Variants in TNRC6A observed in about 807,000 individuals in gnomAD.
TNRC6A encodes the protein trinucleotide repeat-containing gene 6A protein.
TNRC6A carries 44 observed loss-of-function variants against 221.2 expected under a neutral mutation model. The ratio of observed to expected loss-of-function variants is 0.20; its 90% confidence interval spans 0.16 to 0.26. The LOEUF (loss-of-function observed/expected upper bound fraction) is 0.26. Ranked by LOEUF, TNRC6A falls within the 10% of genes least tolerant of loss-of-function variation. The pLI, the probability that TNRC6A is intolerant of heterozygous loss-of-function variation, is 1.00. For synonymous variants in TNRC6A, 847 were observed against 838.5 expected (o/e 1.01, Z -0.18); for missense variants, 2,199 against 2,404.4 (o/e 0.91, Z 1.79).
intron 16 of TNRC6A, 52 bp downstream of exon 16, chr16:24,806,335 C>T: frequency 6.3e-7 from 1 of 1,591,124 alleles, no homozygotes; most frequent in Non-Finnish European, 8.6e-7. Flanking sequence ...ATAAACTCTG[C>T]TTATCTCCAT....
At chr16:24,633,658 GCT>G (rs1901467634) in intron 1 of TNRC6A, among the ~76,000 whole-genome samples, 1 of 152,192 alleles carries the variant, frequency 6.6e-6, no homozygotes, top group African/African-American at 2.4e-5. Context: ...TTCCCAAAGT[GCT>G]GGGATTACAG....
At chr16:24,634,028 C>T (rs897311034) in intron 1 of TNRC6A, among the ~76,000 whole-genome samples, 1 of 152,036 alleles carries the variant, frequency 6.6e-6, no homozygotes. Flanking sequence ...GTGATCCTCC[C>T]GCTTCAGCCC....
At chr16:24,624,090 T>A (rs566283003) in intron 1 of TNRC6A, among the ~76,000 whole-genome samples, 1 of 152,248 alleles carries the variant, frequency 6.6e-6, no homozygotes, top group South Asian at 2.1e-4. Flanking sequence ...CTTTCACCTG[T>A]CTGGGCATCA....
At chr16:24,658,285 GCA>G (rs1003622081) in intron 2 of TNRC6A, among the ~76,000 whole-genome samples, 5 of 152,056 alleles carry the variant, frequency 3.3e-5, no homozygotes, top group Admixed American at 2.0e-4. Context: ...AAATTTCATT[GCA>G]CAGTTTTGCA....
Position 24,679,564 on chromosome 16 carries a change from C to T in TNRC6A, n.402+38555C>T, listed in dbSNP as rs546638642. Among the ~76,000 whole-genome samples, 103 of 152,144 alleles carry T rather than the reference C, an allele frequency of 6.8e-4. 1 individual carries two copies. Among genetic ancestry groups the T allele is most frequent in the African/African-American group, 2.5e-3 (102 of 41,526 alleles). On this transcript the variant is annotated intron_variant and non_coding_transcript_variant, in intron 2 of 2. Coordinates refer to the TNRC6A transcript ENST00000566108. ...TGATCTCAGCTCACTGCAACCTCTG[C>T]CTCCTGAGTTCTAGCAATTCTCCAG...
chr16:24,806,425 T>A, intron 16 of TNRC6A, 142 bp downstream of exon 16: 1 of 1,348,522 alleles, frequency 7.4e-7, no homozygotes, highest in Non-Finnish European at 1.0e-6. Flanking sequence ...TTAAGTCTGC[T>A]GGTTGCCCAT....
chr16:24,822,117 T>C lies in TNRC6A; in HGVS notation c.5343T>C (p.Asn1781=). ...AGAGCAGCTCAGGGAGAATAACAAA[T>C]TGGCTTGTTCTAAAAAACCTTACAC... ...WGESSSGRIT[N]WLVLKNLTPQ... Residue 1781 remains asparagine, a synonymous_variant, in exon 23 of 25, where the codon AAT becomes AAC. Transcript: ENST00000395799. The C allele has an allele frequency of 6.2e-7, 1 of 1,614,108 alleles. No individual in the cohort carries two copies. The highest frequency in any genetic ancestry group is 8.5e-7 in the Non-Finnish European group (1 of 1,179,992).
chr16:24,724,764 A>C (rs1243930865), upstream of TNRC6A, among the ~76,000 whole-genome samples: 3 of 152,124 alleles, frequency 2.0e-5, no homozygotes, highest in Non-Finnish European at 2.9e-5. Context: ...AAATAAATAA[A>C]TAAATTCTCT....
intron 2 of TNRC6A, among the ~76,000 whole-genome samples, chr16:24,718,555 A>G (rs1317407734): frequency 2.6e-5 from 4 of 152,206 alleles, no homozygotes; most frequent in Admixed American, 6.6e-5. Context: ...GAAGCACAAT[A>G]TAGGGATTGT....
rs139961149 is a variant in TNRC6A, at chr16:24,752,050, G to A, written c.141+1237G>A. ...ACTCTGAAGAGTTGAACTAGGAAAG[G>A]CTAGGAGGTTTTCTCAAGGCTTTGG... On this transcript the variant is annotated intron_variant, in intron 3 of 24. Coordinates refer to ENST00000395799, the MANE Select transcript of TNRC6A (RefSeq NM_014494.4). 1.5e-3 allele frequency among the ~76,000 whole-genome samples: 235 copies of A among 152,286 alleles called. 2 individuals carry two copies. Among genetic ancestry groups the A allele is most frequent in the African/African-American group, 5.3e-3 (222 of 41,544 alleles).
At chr16:24,665,792 C>A (rs1345688078) in intron 2 of TNRC6A, among the ~76,000 whole-genome samples, 2 of 152,146 alleles carry the variant, frequency 1.3e-5, no homozygotes, top group African/African-American at 2.4e-5. Context: ...TACTGCCTTG[C>A]AAGAATTATT....
intron 2 of TNRC6A, among the ~76,000 whole-genome samples, chr16:24,643,171 C>G (rs1902087898): frequency 6.9e-6 from 1 of 144,136 alleles, no homozygotes; most frequent in Admixed American, 7.1e-5. Context: ...AACCCCATGG[C>G]CTGGGCTATA....
At chr16:24,644,081 A>ATTTTT (rs748251760) in intron 2 of TNRC6A, among the ~76,000 whole-genome samples, 9,221 of 81,468 alleles carry the variant, frequency 0.11, 1,381 homozygotes, top group African/African-American at 0.25. Context: ...CTTATCTTTA[A>ATTTTT]TTTTTTTTTT....
chr16:24,723,578 A>C (rs1256296285), intron 2 of TNRC6A, among the ~76,000 whole-genome samples: 1 of 126,508 alleles, frequency 7.9e-6, no homozygotes, highest in Admixed American at 8.8e-5. Flanking sequence ...TGGGTGACAG[A>C]GCAAGACTCT....
intron 18 of TNRC6A, among the ~76,000 whole-genome samples, chr16:24,814,682 G>A (rs1160744951): frequency 6.6e-6 from 1 of 151,860 alleles, no homozygotes; most frequent in Non-Finnish European, 1.5e-5. Flanking sequence ...CAAAGTGCTG[G>A]GATTACAGGC....
intron 1 of TNRC6A, among the ~76,000 whole-genome samples, chr16:24,613,111 G>A (rs145078564): frequency 1.2e-5 from 1 of 80,992 alleles, no homozygotes; most frequent in African/African-American, 5.5e-5. Flanking sequence ...GTGAGACTCT[G>A]TCTCAAAAAA....
At chr16:24,628,330 G>T (rs902668927) in intron 1 of TNRC6A, among the ~76,000 whole-genome samples, 1 of 152,044 alleles carries the variant, frequency 6.6e-6, no homozygotes, top group Non-Finnish European at 1.5e-5. Context: ...TGAGGCAGAA[G>T]AATCGCTTGA....
Position 24,806,232 on chromosome 16 carries a change from G to T in TNRC6A, c.4278G>T (p.Ala1426=). 6.2e-7 allele frequency: 1 copy of T among 1,614,160 alleles called. No homozygotes were observed. Among genetic ancestry groups the T allele is most frequent in the Non-Finnish European group, 8.5e-7 (1 of 1,180,042 alleles). The change falls in exon 16 of 25, where the codon GCG becomes GCT. Residue 1426 remains alanine (A), a synonymous_variant. Coordinates refer to ENST00000395799, the MANE Select transcript of TNRC6A (RefSeq NM_014494.4). ...LQRLLAQQQR[A]QSQRSVPSGN... is the part of the protein sequence containing the mutation. ...GATTGTTAGCGCAGCAGCAAAGGGC[G>T]CAGAGTCAGAGAAGCGTGCCTTCTG...
At chr16:24,679,306 A>G (rs2055483984) in intron 2 of TNRC6A, among the ~76,000 whole-genome samples, 1 of 145,512 alleles carries the variant, frequency 6.9e-6, no homozygotes, top group Admixed American at 6.8e-5. Context: ...CAAGACATTG[A>G]ATTTTTTTTT....
Sources: gnomAD v4.1 joint callset for allele counts (sites outside exome capture counted in the v4.1 genomes callset) on GRCh38, gnomAD v4.1.1 for gene constraint, MANE v1.5 for transcripts, NCBI Gene and HGNC (gene_info 2026-07-23, HGNC 2026-07-21) for gene names.